CCDC191: variants seen among roughly 807,000 people sequenced by gnomAD.
CCDC191 encodes the protein coiled-coil domain containing 191.
CCDC191 carries 99 observed loss-of-function variants against 114.0 expected under a neutral mutation model. That is an observed-to-expected ratio of 0.87 (90% CI 0.74 to 1.03). The LOEUF is 1.03. Ranked by LOEUF, CCDC191 falls within the 50% of genes least tolerant of loss-of-function variation. The pLI is 0.00. For missense variants in CCDC191, 973 were observed against 1,087.0 expected (o/e 0.90, Z 1.47); for synonymous variants, 351 against 376.0 (o/e 0.93, Z 0.77).
At chr3:113,970,240 A>T (rs1349777363) in intron 16 of CCDC191, among the ~76,000 whole-genome samples, 1 of 152,128 alleles carries the variant, frequency 6.6e-6, no homozygotes, top group Admixed American at 6.5e-5. Flanking sequence ...CAGATCTAAC[A>T]GTTTTTTTTG....
At chr3:114,006,619 A>ATATATATATAT (rs1559903359) in intron 9 of CCDC191, among the ~76,000 whole-genome samples, 53 of 92,490 alleles carry the variant, frequency 5.7e-4, no homozygotes, top group African/African-American at 1.8e-3. Flanking sequence ...TATATATATA[A>ATATATATATAT]ATATATATAT....
chr3:114,027,601 C>CAAAAAAAAAA (rs67548547), intron 7 of CCDC191, among the ~76,000 whole-genome samples: 2 of 60,130 alleles, frequency 3.3e-5, no homozygotes, highest in Admixed American at 1.7e-4. Context: ...GACTCTGTCT[C>CAAAAAAAAAA]AAAAAAAAAA....
intron 9 of CCDC191, among the ~76,000 whole-genome samples, chr3:114,006,638 TA>T (rs894193938): frequency 1.9e-4 from 25 of 130,256 alleles, no homozygotes; most frequent in African/African-American, 6.7e-4. Context: ...ATTTTATATA[TA>T]AAAAACATGA....
intron 16 of CCDC191, among the ~76,000 whole-genome samples, chr3:113,973,841 T>G (rs1941063324): frequency 1.3e-5 from 2 of 151,944 alleles, no homozygotes; most frequent in African/African-American, 4.8e-5. Context: ...TTTTGGAAAG[T>G]TTCCTATTTT....
intron 4 of CCDC191, among the ~76,000 whole-genome samples, chr3:114,041,326 CAT>C (rs1037985638): frequency 6.6e-6 from 1 of 152,144 alleles, no homozygotes; most frequent in Non-Finnish European, 1.5e-5. Flanking sequence ...AATCTGGAAA[CAT>C]AGAACTATAT....
At chr3:113,980,609 G>A (rs2075113698) in intron 14 of CCDC191, 41 bp downstream of exon 14, 2 of 1,519,426 alleles carry the variant, frequency 1.3e-6, no homozygotes, top group Middle Eastern at 1.7e-4. Context: ...ATTTGGAAAA[G>A]TCCATTTTCT....
In CCDC191 at chr3:114,004,725, C is replaced by G. The variant is rs1312626036; in HGVS notation, c.1890G>C (p.Gly630=). The G allele has an allele frequency of 3.7e-6, 6 of 1,610,794 alleles. No homozygotes were observed. The highest frequency in any genetic ancestry group is 4.2e-6 in the Non-Finnish European group (5 of 1,178,878). ...MLVNSPVASP[G]TEGRSDSRNS... Reference sequence around the variant, plus strand: ...TTCGGGAGTCACTTCTGCCTTCAGTCCCAGGGGAAGCAACAGGTGAACTAG... The same window carrying G: ...TTCGGGAGTCACTTCTGCCTTCAGTGCCAGGGGAAGCAACAGGTGAACTAG... Residue 630 remains glycine, a synonymous_variant, in exon 11 of 17, where the codon GGG becomes GGC. Coordinates refer to ENST00000295878, the MANE Select transcript of CCDC191 (RefSeq NM_020817.2).
At chr3:113,982,745 T>C (rs1190959874) in intron 13 of CCDC191, among the ~76,000 whole-genome samples, 1 of 151,656 alleles carries the variant, frequency 6.6e-6, no homozygotes, top group African/African-American at 2.4e-5. Context: ...GCTTACCCAC[T>C]CCTGTGATTT....
intron 16 of CCDC191, among the ~76,000 whole-genome samples, chr3:113,974,672 A>C (rs2107585912): frequency 6.6e-6 from 1 of 152,150 alleles, no homozygotes; most frequent in East Asian, 1.9e-4. Context: ...CTGAAGGATT[A>C]TTTATTTATT....
chr3:114,000,361 C>T (rs1036833407), intron 13 of CCDC191, among the ~76,000 whole-genome samples: 1 of 152,126 alleles, frequency 6.6e-6, no homozygotes. Context: ...GAGATTTATG[C>T]CATCAACTCC....
In CCDC191 at chr3:114,037,084, TGA is replaced by T. The variant is rs1189790093; in HGVS notation, c.416-300_416-299del. The stretch of plus-strand genomic sequence containing the variant: ...TTGAGAACTTCAATCTAAACAATCT[TGA>T]GAGCTCTACTGCTTTCAAAAAAAAG... On this transcript the variant is annotated intron_variant, in intron 4 of 16. Coordinates refer to ENST00000295878, the MANE Select transcript of CCDC191 (RefSeq NM_020817.2). The T allele has an allele frequency of 6.3e-5, 11 of 174,374 alleles. No individual in the cohort carries two copies. The Admixed American group carries it at 6.9e-4, about 11-fold the overall frequency. The allele number at this position is 174,374 out of a possible 1,614,324, so 10.8% of individuals were successfully genotyped here.
At chr3:114,009,734 T>A (rs367746854) in intron 9 of CCDC191, among the ~76,000 whole-genome samples, 37 of 152,246 alleles carry the variant, frequency 2.4e-4, no homozygotes, top group African/African-American at 8.7e-4. Flanking sequence ...ATGCATTCCA[T>A]TTTTAGGTAT....
chr3:114,012,156 G>T (rs1332208453), intron 8 of CCDC191, among the ~76,000 whole-genome samples: 1 of 152,012 alleles, frequency 6.6e-6, no homozygotes, highest in African/African-American at 2.4e-5. Flanking sequence ...ATGTTTATAC[G>T]ACTTTTAAAC....
At chr3:114,015,292 G>A (rs62267069) in intron 8 of CCDC191, among the ~76,000 whole-genome samples, 5,811 of 152,274 alleles carry the variant, frequency 0.038, 141 homozygotes, top group Middle Eastern at 0.1. Flanking sequence ...AGAGAAGGCA[G>A]GATTAAAGAC....
At chr3:113,985,159 C>T (rs554974302) in intron 13 of CCDC191, among the ~76,000 whole-genome samples, 9 of 152,262 alleles carry the variant, frequency 5.9e-5, no homozygotes, top group South Asian at 4.1e-4. Flanking sequence ...CTTATAAGAA[C>T]GCTACCAGGC....
chr3:113,979,901 T>G (rs1232269862), intron 14 of CCDC191, among the ~76,000 whole-genome samples: 1 of 152,214 alleles, frequency 6.6e-6, no homozygotes, highest in Non-Finnish European at 1.5e-5. Flanking sequence ...TTAGGGAAAT[T>G]TTAGAAATTT....
In CCDC191 at chr3:114,001,678, C is replaced by T; in HGVS notation, c.2080G>A (p.Glu694Lys). ...GCCTCCCTTTTCTGACGTTCCTCCT[C>T]TTGGGCCTTTAACTGGGCCTGATTG... ...EEKLAQLKAQ[E>K]EERQKREAEE... Residue 694 changes from glutamate (E) to lysine (K), a missense_variant, in exon 13 of 17, where the codon GAG becomes AAG. Glu to Lys is a moderately conservative substitution (Grantham distance 56, BLOSUM62 1). Coordinates refer to ENST00000295878, the MANE Select transcript of CCDC191 (RefSeq NM_020817.2). 1 of 1,613,904 alleles carries T rather than the reference C, an allele frequency of 6.2e-7. No homozygotes were observed. Among genetic ancestry groups the T allele is most frequent in the Non-Finnish European group, 8.5e-7 (1 of 1,179,862 alleles).
chr3:113,972,947 T>C (rs1192849539), intron 16 of CCDC191, among the ~76,000 whole-genome samples: 2 of 152,164 alleles, frequency 1.3e-5, no homozygotes, highest in Non-Finnish European at 2.9e-5. Context: ...TGTATGTCTT[T>C]ACAGGTGAAG....
chr3:114,011,340 G>C (rs961860049), intron 8 of CCDC191, among the ~76,000 whole-genome samples: 8 of 152,072 alleles, frequency 5.3e-5, no homozygotes, highest in Admixed American at 2.0e-4. Flanking sequence ...GCAAAAAGAA[G>C]AGGTACACAA....
Sources: allele counts gnomAD v4.1 joint callset (sites outside exome capture counted in the v4.1 genomes callset), GRCh38; gene constraint gnomAD v4.1.1; transcripts MANE v1.5; gene names NCBI Gene and HGNC (gene_info 2026-07-23, HGNC 2026-07-21).